ANKRD44: variants seen among roughly 807,000 people sequenced by gnomAD.
ANKRD44 encodes serine/threonine-protein phosphatase 6 regulatory ankyrin repeat subunit B.
In ANKRD44, 35 loss-of-function variants were observed where a neutral mutation model predicts 116.0. The ratio of observed to expected loss-of-function variants is 0.30; its 90% CI spans 0.23 to 0.40. ANKRD44 has a LOEUF of 0.40. Ranked by LOEUF, ANKRD44 falls within the 10% of genes least tolerant of loss-of-function variation. ANKRD44 has a pLI of 1.00. For missense variants in ANKRD44, 1,014 were observed against 1,242.6 expected (o/e 0.82, Z 2.77); for synonymous variants, 435 against 461.8 (o/e 0.94, Z 0.74).
At chr2:196,998,288 T>A (rs918805804) in intron 25 of ANKRD44, 49 bp downstream of exon 25, 14 of 1,347,218 alleles carry the variant, frequency 1.0e-5, no homozygotes, top group Non-Finnish European at 1.5e-5. Flanking sequence ...TTATTATTAC[T>A]GTTATTATTA....
chr2:196,999,808 C>T (rs529655125), intron 23 of ANKRD44, among the ~76,000 whole-genome samples: 258 of 152,038 alleles, frequency 1.7e-3, no homozygotes, highest in Non-Finnish European at 2.7e-3. Flanking sequence ...TTAGCTAGGA[C>T]GGTCTCTATC....
chr2:197,275,826 T>A (rs934011397), intron 1 of ANKRD44, among the ~76,000 whole-genome samples: 1 of 152,182 alleles, frequency 6.6e-6, no homozygotes, highest in East Asian at 1.9e-4. Flanking sequence ...ACATCCCACA[T>A]GATTTTCATA....
intron 1 of ANKRD44, among the ~76,000 whole-genome samples, chr2:197,259,327 A>G (rs537283757): frequency 1.4e-4 from 22 of 152,312 alleles, no homozygotes; most frequent in African/African-American, 4.8e-4. Context: ...CCAGAGCTAA[A>G]CACTAAGAAC....
In ANKRD44 at chr2:197,271,955, A is replaced by G. The variant is rs116451348; in HGVS notation, c.27+38623T>C. 4.3e-3 allele frequency among the ~76,000 whole-genome samples: 658 copies of G among 152,270 alleles called. 6 individuals carry two copies. The highest frequency in any genetic ancestry group is 0.014 in the African/African-American group (596 of 41,556). On this transcript the variant is annotated intron_variant, in intron 1 of 27. Coordinates refer to ENST00000282272, the MANE Select transcript of ANKRD44 (RefSeq NM_001195144.2). Reference sequence around the variant, plus strand: ...GCTATTGCCTGAATGTTTGTCCCCAACAAAATTCATATGTTGAAATTATAT... The same window carrying G: ...GCTATTGCCTGAATGTTTGTCCCCAGCAAAATTCATATGTTGAAATTATAT...
chr2:197,057,146 A>T (rs954257298), intron 16 of ANKRD44, among the ~76,000 whole-genome samples: 1 of 152,210 alleles, frequency 6.6e-6, no homozygotes, highest in Admixed American at 6.5e-5. Context: ...TATTTTGCAG[A>T]TGTTCTTTAT....
intron 1 of ANKRD44, chr2:197,263,538 C>T: frequency 3.0e-6 from 1 of 337,810 alleles, no homozygotes; most frequent in Admixed American, 4.6e-5. Context: ...CCATGTGAAG[C>T]AGCTGTCTCC....
At chr2:197,025,814 G>C (rs1258791766) in intron 16 of ANKRD44, among the ~76,000 whole-genome samples, 1 of 152,132 alleles carries the variant, frequency 6.6e-6, no homozygotes, top group Non-Finnish European at 1.5e-5. Flanking sequence ...AATTAAACCA[G>C]ATAAAGGTGT....
At chr2:197,180,815 C>CT (rs1185028469) in intron 2 of ANKRD44, among the ~76,000 whole-genome samples, 1 of 151,962 alleles carries the variant, frequency 6.6e-6, no homozygotes, top group Non-Finnish European at 1.5e-5. Context: ...ATATTGAGTC[C>CT]TTCTGGGTGG....
chr2:197,091,990 C>T (rs1019297696), intron 10 of ANKRD44, among the ~76,000 whole-genome samples: 2 of 152,164 alleles, frequency 1.3e-5, no homozygotes, highest in African/African-American at 4.8e-5. Context: ...AGGATGACCC[C>T]TTAAGGGACA....
intron 1 of ANKRD44, among the ~76,000 whole-genome samples, chr2:197,281,093 C>T (rs2083251183): frequency 6.6e-6 from 1 of 151,578 alleles, no homozygotes; most frequent in Non-Finnish European, 1.5e-5. Context: ...TGTTCATTCT[C>T]CTTGTGCAGT....
At chr2:197,118,637 G>GAAAAGAA (rs1553512574) in intron 8 of ANKRD44, among the ~76,000 whole-genome samples, 1 of 112,358 alleles carries the variant, frequency 8.9e-6, no homozygotes, top group Non-Finnish European at 1.9e-5. Context: ...GAGAGAGAGA[G>GAAAAGAA]AGAAAGAAAG....
At chr2:197,141,351 A>G (rs555210782) in intron 3 of ANKRD44, among the ~76,000 whole-genome samples, 1 of 152,258 alleles carries the variant, frequency 6.6e-6, no homozygotes, top group South Asian at 2.1e-4. Flanking sequence ...TTTTCTGAGA[A>G]TTACTTGTTC....
intron 1 of ANKRD44, among the ~76,000 whole-genome samples, chr2:197,223,033 G>A (rs539821652): frequency 9.2e-5 from 14 of 152,006 alleles, no homozygotes; most frequent in Admixed American, 5.2e-4. Flanking sequence ...GGCTGGTCTC[G>A]AACTCCTGAC....
intron 1 of ANKRD44, among the ~76,000 whole-genome samples, chr2:197,228,861 C>T (rs2081785519): frequency 6.6e-6 from 1 of 152,176 alleles, no homozygotes; most frequent in Non-Finnish European, 1.5e-5. Context: ...CATGGTGAAA[C>T]CCTGTCTCTA....
At chr2:196,975,789 A>AAAAAAAAAAAGAAAAAG (rs1275245843) in intron 21 of ANKRD44, among the ~76,000 whole-genome samples, 3 of 136,928 alleles carry the variant, frequency 2.2e-5, no homozygotes, top group Non-Finnish European at 3.1e-5. Context: ...CTCTGTCTCA[A>AAAAAAAAAAAGAAAAAG]AAAAAAAAAA....
At chr2:197,076,330 T>C (rs2077665012) in intron 16 of ANKRD44, among the ~76,000 whole-genome samples, 1 of 152,150 alleles carries the variant, frequency 6.6e-6, no homozygotes, top group Admixed American at 6.6e-5. Context: ...TCTTAGAAAT[T>C]CACCTCCTAG....
intron 2 of ANKRD44, among the ~76,000 whole-genome samples, chr2:197,166,534 T>C (rs972662867): frequency 9.2e-5 from 14 of 152,250 alleles, no homozygotes; most frequent in African/African-American, 3.4e-4. Flanking sequence ...AATTTAAAGT[T>C]TGCTGATTCT....
chr2:197,187,015 T>G lies in ANKRD44; in HGVS notation c.111+8A>C, dbSNP rs774506886. The G allele has an allele frequency of 1.2e-6, 2 of 1,613,692 alleles. No homozygotes were observed. The highest frequency in any genetic ancestry group is 4.5e-5 in the East Asian group (2 of 44,876). On this transcript the variant is annotated splice_region_variant and intron_variant, in intron 2 of 27. Transcript: ENST00000282272. ...GGGCCTGAGTAGCAAAACCACAGTA[T>G]CTCTTACCAGAGTATTCACATCTTC...
At chr2:197,151,121 T>C (rs1030026453) in intron 2 of ANKRD44, among the ~76,000 whole-genome samples, 1 of 14,980 alleles carries the variant, frequency 6.7e-5, no homozygotes, top group Non-Finnish European at 2.8e-4. Context: ...GTTGAAAATA[T>C]GCAAAAAAAA....
Sources: gnomAD v4.1 joint callset for allele counts (sites outside exome capture counted in the v4.1 genomes callset) on GRCh38, gnomAD v4.1.1 for gene constraint, MANE v1.5 for transcripts, NCBI Gene and HGNC (gene_info 2026-07-23, HGNC 2026-07-21) for gene names.